MED13: variants seen among roughly 807,000 people sequenced by gnomAD.
MED13 encodes the protein mediator of RNA polymerase II transcription subunit 13.
In MED13, 23 loss-of-function variants were observed where a neutral mutation model predicts 225.2. The ratio of observed to expected loss-of-function variants is 0.10; its 90% CI spans 0.07 to 0.14. MED13 has a LOEUF of 0.14. Ranked by LOEUF, MED13 falls within the 10% of genes least tolerant of loss-of-function variation. MED13 has a pLI of 1.00. For missense variants in MED13, 2,197 were observed against 2,594.5 expected (o/e 0.85, Z 3.33); for synonymous variants, 942 against 889.2 (o/e 1.06, Z -1.06).
At chr17:62,057,129 T>C (rs977946931) in intron 2 of MED13, among the ~76,000 whole-genome samples, 71 of 152,216 alleles carry the variant, frequency 4.7e-4, no homozygotes, top group African/African-American at 1.7e-3. Flanking sequence ...TCTTCTCCAA[T>C]ACAATTTTGC....
intron 4 of MED13, 71 bp from the exon 5 acceptor site, chr17:62,034,055 T>C (rs1376794803): frequency 6.7e-6 from 9 of 1,343,040 alleles, no homozygotes; most frequent in Middle Eastern, 1.9e-4. Flanking sequence ...CAGTGAAAAA[T>C]GTGGCAAATA....
intron 12 of MED13, among the ~76,000 whole-genome samples, chr17:61,985,711 T>C (rs1250004894): frequency 6.6e-6 from 1 of 152,076 alleles, no homozygotes; most frequent in African/African-American, 2.4e-5. Context: ...TAAGAAGGGG[T>C]TGTAATTAAC....
chr17:61,965,239 T>G lies in MED13; in HGVS notation c.4611A>C (p.Ser1537=), dbSNP rs1409808616. Residue 1537 remains serine, a synonymous_variant, in exon 20 of 30, where the codon TCA becomes TCC. Coordinates refer to ENST00000397786, the MANE Select transcript of MED13 (RefSeq NM_005121.3). ...ATANSTLTTA[S]TSSSSSSNLN... The stretch of plus-strand genomic sequence containing the variant: ...AGTTGGAGGATGATGAAGATGAAGT[T>G]GAAGCTGTGGTCAAAGTTGAATTAG... 6 of 1,614,150 alleles carry G rather than the reference T, an allele frequency of 3.7e-6. No individual in the cohort carries two copies. The highest frequency in any genetic ancestry group is 5.1e-6 in the Non-Finnish European group (6 of 1,179,966).
At chr17:62,061,580 T>C (rs967531508) in intron 2 of MED13, among the ~76,000 whole-genome samples, 10 of 152,198 alleles carry the variant, frequency 6.6e-5, no homozygotes, top group Non-Finnish European at 1.5e-4. Context: ...TTATAGTTTT[T>C]CAACAATGTT....
chr17:61,951,140 C>A (rs555343493), intron 27 of MED13, 142 bp from the exon 28 acceptor site: 204 of 582,622 alleles, frequency 3.5e-4, no homozygotes, highest in African/African-American at 3.1e-3. Flanking sequence ...TGAAAAAAAA[C>A]CAGTTTCTAT....
chr17:62,018,751 C>T lies in MED13; in HGVS notation c.1284-7518G>A, dbSNP rs186182235. On this transcript the variant is annotated intron_variant, in intron 8 of 29. Coordinates refer to ENST00000397786, the MANE Select transcript of MED13 (RefSeq NM_005121.3). ...AAAAAAGTATACTGAAGGATGCATACGGGTTATATGAATACTAACTCATTT... is the reference window on the plus strand; with the variant it reads ...AAAAAAGTATACTGAAGGATGCATATGGGTTATATGAATACTAACTCATTT... Among the ~76,000 whole-genome samples, 245 of 151,268 alleles carry T rather than the reference C, an allele frequency of 1.6e-3. 2 individuals are homozygous for T. The highest frequency in any genetic ancestry group is 5.5e-3 in the African/African-American group (227 of 41,192).
intron 8 of MED13, among the ~76,000 whole-genome samples, chr17:62,021,048 C>T (rs1368450651): frequency 1.3e-5 from 2 of 150,796 alleles, no homozygotes; most frequent in Non-Finnish European, 3.0e-5. Context: ...AAGAATTTTT[C>T]TTAGTACAGA....
chr17:61,979,294 C>T lies in MED13; in HGVS notation c.3805+2904G>A, dbSNP rs186203447. Among the ~76,000 whole-genome samples, 38 of 152,166 alleles carry T rather than the reference C, an allele frequency of 2.5e-4. No individual in the cohort carries two copies. The Middle Eastern group carries it at 0.01, about 41-fold the overall frequency. ...CATTCCATCTGTACTATCATGATTACTCAACCCTGCAAACATGGCCATTTT... is the reference window on the plus strand; with the variant it reads ...CATTCCATCTGTACTATCATGATTATTCAACCCTGCAAACATGGCCATTTT... On this transcript the variant is annotated intron_variant, in intron 16 of 29. Transcript: ENST00000397786.
intron 26 of MED13, 180 bp downstream of exon 26, chr17:61,955,202 C>T (rs1482022838): frequency 2.2e-5 from 10 of 446,864 alleles, no homozygotes; most frequent in Non-Finnish European, 3.5e-5. Flanking sequence ...CACATGTTAT[C>T]GCATTAAGGG....
intron 20 of MED13, among the ~76,000 whole-genome samples, chr17:61,963,701 A>G (rs1443947463): frequency 3.3e-5 from 5 of 152,164 alleles, no homozygotes; most frequent in African/African-American, 1.2e-4. Context: ...TTTACACTTC[A>G]AATCTATTCA....
intron 2 of MED13, among the ~76,000 whole-genome samples, chr17:62,053,604 A>G (rs2080973983): frequency 6.6e-6 from 1 of 152,240 alleles, no homozygotes; most frequent in Admixed American, 6.5e-5. Context: ...CTTTCATTAC[A>G]AGATTTTAAA....
chr17:62,019,889 G>A (rs1052194420), intron 8 of MED13, among the ~76,000 whole-genome samples: 17 of 151,766 alleles, frequency 1.1e-4, no homozygotes, highest in South Asian at 4.2e-4. Context: ...GACTATAGGC[G>A]CCCACCACCA....
intron 29 of MED13, 49 bp downstream of exon 29, chr17:61,946,868 A>G (rs753928875): frequency 2.0e-6 from 3 of 1,480,398 alleles, no homozygotes; most frequent in Non-Finnish European, 1.9e-6. Flanking sequence ...TCAACATTAT[A>G]TTCTTTTAAA....
In MED13 at chr17:61,985,036, A is replaced by G. The variant is rs765499497; in HGVS notation, c.2440T>C (p.Ser814Pro). ...GSDDKASCKE[S>P]KTGNLDPLSC... ...AACGGGTCCAGATTTCCTGTCTTTG[A>G]TTCCTTGCAGCTGGCTTTATCATCT... The change falls in exon 13 of 30, where the codon TCA (serine) becomes CCA (proline). Residue 814 changes from serine (S) to proline (P), a missense_variant. Coordinates refer to ENST00000397786, the MANE Select transcript of MED13 (RefSeq NM_005121.3). The G allele has an allele frequency of 1.2e-6, 2 of 1,614,046 alleles. No individual in the cohort carries two copies. Among genetic ancestry groups the G allele is most frequent in the Non-Finnish European group, 1.7e-6 (2 of 1,179,984 alleles).
chr17:61,975,280 A>T (rs1218760774), intron 16 of MED13, among the ~76,000 whole-genome samples: 2 of 152,216 alleles, frequency 1.3e-5, no homozygotes, highest in African/African-American at 4.8e-5. Flanking sequence ...ACCTAATTTT[A>T]AAAACGGGCA....
intron 26 of MED13, 22 bp from the exon 27 acceptor site, chr17:61,953,135 A>T: frequency 6.2e-7 from 1 of 1,600,560 alleles, no homozygotes; most frequent in Non-Finnish European, 8.5e-7. Context: ...AAAGAAAAGA[A>T]ATTTAAAACT....
At chr17:62,065,092 G>A in intron 1 of MED13, 48 bp downstream of exon 1, 3 of 1,484,592 alleles carry the variant, frequency 2.0e-6, no homozygotes, top group Non-Finnish European at 1.8e-6. Flanking sequence ...GCCCAAGGGC[G>A]CACCTCGCGG....
chr17:62,032,832 A>G (rs1418642126), intron 5 of MED13, among the ~76,000 whole-genome samples: 2 of 152,186 alleles, frequency 1.3e-5, no homozygotes, highest in Non-Finnish European at 2.9e-5. Flanking sequence ...GAGGACATAG[A>G]GAATACAGCC....
intron 3 of MED13, among the ~76,000 whole-genome samples, chr17:62,048,430 AAAAG>A (rs1016036898): frequency 1.3e-5 from 2 of 151,348 alleles, no homozygotes; most frequent in Admixed American, 6.6e-5. Context: ...AAAGGAAAGA[AAAAG>A]AAAGCAGAAG....
Sources: allele counts gnomAD v4.1 joint callset (sites outside exome capture counted in the v4.1 genomes callset), GRCh38; gene constraint gnomAD v4.1.1; transcripts MANE v1.5; gene names NCBI Gene and HGNC (gene_info 2026-07-23, HGNC 2026-07-21).